AP2A1: variants seen among roughly 807,000 people sequenced by gnomAD.
The protein encoded by AP2A1 is AP-2 complex subunit alpha-1.
In AP2A1, 21 loss-of-function variants were observed where a neutral mutation model predicts 107.3. The observed-to-expected ratio is 0.20, with a 90% confidence interval of 0.14 to 0.28. AP2A1 has a LOEUF of 0.28. Among genes scored for constraint, AP2A1 ranks in the 10% least tolerant of loss-of-function variants. AP2A1 has a pLI of 1.00. For missense variants in AP2A1, 873 were observed against 1,307.7 expected (o/e 0.67, Z 5.13); for synonymous variants, 602 against 564.8 (o/e 1.07, Z -0.93).
chr19:49,803,418 C>A, intron 18 of AP2A1, 42 bp downstream of exon 18: 1 of 1,559,722 alleles, frequency 6.4e-7, no homozygotes. Context: ...CTCTCCACGT[C>A]GGCCTTCCTC....
chr19:49,772,257 T>G (rs1241262971), intron 1 of AP2A1, among the ~76,000 whole-genome samples: 5 of 122,176 alleles, frequency 4.1e-5, no homozygotes, highest in African/African-American at 9.1e-5. Flanking sequence ...TTTTTTTTTT[T>G]TTTTTTTTTT....
chr19:49,771,323 A>AG (rs2084555056), intron 1 of AP2A1, among the ~76,000 whole-genome samples: 1 of 151,468 alleles, frequency 6.6e-6, no homozygotes, highest in Non-Finnish European at 1.5e-5. Context: ...AAAAAAAAAA[A>AG]AAAGAAAGGT....
At position 49,795,661 on chromosome 19, in the gene AP2A1, A is replaced by T. The variant is rs2073203986; in HGVS notation, c.737A>T (p.Asp246Val). The T allele has an allele frequency of 6.7e-7, 1 of 1,490,608 alleles. No homozygotes were observed. Among genetic ancestry groups the T allele is most frequent in the Non-Finnish European group, 9.0e-7 (1 of 1,112,670 alleles). The allele number at this position is 1,490,608 out of a possible 1,614,324, so 92.3% of individuals were successfully genotyped here. ...TCCTCTGCCTCCACCGACCTCCAGG[A>T]CTACACCTACTACTTCGTCCCAGCA... ...IVSSASTDLQDYTYYFVPAPW... is the reference protein window; with the variant it reads ...IVSSASTDLQVYTYYFVPAPW... The change falls in exon 7 of 23, where the codon GAC becomes GTC. Residue 246 changes from aspartate (D) to valine (V), a missense_variant. Physicochemically the swap from Asp to Val is radical, Grantham distance 152 (BLOSUM62 -3). Around this residue, in one of 4 missense-constraint regions of AP2A1, gnomAD observed 157 missense variants for 212.6 expected, o/e 0.74. Transcript: ENST00000354293.
At position 49,800,007 on chromosome 19, in the gene AP2A1, G is replaced by T; in HGVS notation, c.1312G>T (p.Asp438Tyr). 2 of 1,614,018 alleles carry T rather than the reference G, an allele frequency of 1.2e-6. No individual in the cohort carries two copies. The highest frequency in any genetic ancestry group is 1.7e-6 in the Non-Finnish European group (2 of 1,179,864). ...CATCCTGGCCGAGAAGTACGCCGTG[G>T]ACTACAGCTGGTACGTGGACACCAT... ...VAILAEKYAVDYSWYVDTILN... is the reference protein window; with the variant it reads ...VAILAEKYAVYYSWYVDTILN... The change falls in exon 11 of 23, where the codon GAC becomes TAC. Residue 438 changes from aspartate to tyrosine, a missense_variant. Transcript: ENST00000354293.
Position 49,781,748 on chromosome 19 carries a change from C to T in AP2A1, c.68-9C>T, listed in dbSNP as rs554555100. 6.3e-7 allele frequency: 1 copy of T among 1,584,290 alleles called. No homozygotes were observed. The highest frequency in any genetic ancestry group is 2.3e-5 in the East Asian group (1 of 43,236). ...CCCCTCACTGCCTACCCTCCTCCTCCTCTCCCAGGTAAGAGCAAAGAGGCG... is the reference window on the plus strand; with the variant it reads ...CCCCTCACTGCCTACCCTCCTCCTCTTCTCCCAGGTAAGAGCAAAGAGGCG... On this transcript the variant is annotated splice_polypyrimidine_tract_variant and intron_variant, in intron 1 of 22. Transcript: ENST00000354293.
intron 1 of AP2A1, among the ~76,000 whole-genome samples, chr19:49,772,645 G>A (rs2084575608): frequency 6.6e-6 from 1 of 151,736 alleles, no homozygotes; most frequent in East Asian, 1.9e-4. Flanking sequence ...ACAGGCGCCC[G>A]CCAACACGCC....
intron 6 of AP2A1, 48 bp from the exon 7 acceptor site, chr19:49,795,582 G>GCCC: frequency 2.9e-6 from 2 of 692,054 alleles, no homozygotes; most frequent in African/African-American, 1.8e-5. Context: ...GGACCCACGT[G>GCCC]CCCCTCCCAC....
intron 6 of AP2A1, among the ~76,000 whole-genome samples, chr19:49,795,009 C>G (rs948884631): frequency 2.0e-5 from 3 of 152,256 alleles, no homozygotes; most frequent in African/African-American, 7.2e-5. Flanking sequence ...CCCCGAACCT[C>G]TTCCTATCTG....
intron 1 of AP2A1, among the ~76,000 whole-genome samples, chr19:49,767,536 G>A (rs2084515409): frequency 1.3e-5 from 2 of 152,204 alleles, no homozygotes; most frequent in South Asian, 4.1e-4. Flanking sequence ...GGGTTAGAGG[G>A]ATTCCCAATG....
Position 49,781,759 on chromosome 19 carries a change from A to G in AP2A1, c.70A>G (p.Lys24Glu), listed in dbSNP as rs1329307236. 1 of 1,592,778 alleles carries G rather than the reference A, an allele frequency of 6.3e-7. No individual in the cohort carries two copies. The highest frequency in any genetic ancestry group is 1.8e-5 in the Admixed American group (1 of 56,464). ...CTACCCTCCTCCTCCTCTCCCAGGT[A>G]AGAGCAAAGAGGCGGAAATTAAGAG... ...AVFISDIRNC[K>E]SKEAEIKRIN... Residue 24 changes from lysine to glutamate, a missense_variant and splice_region_variant, in exon 2 of 23, where the codon AAG (lysine) becomes GAG (glutamate). Around this residue, in one of 4 missense-constraint regions of AP2A1, gnomAD observed 87 missense variants for 178.2 expected, o/e 0.49. Transcript: ENST00000354293.
intron 1 of AP2A1, 68 bp downstream of exon 1, chr19:49,767,268 G>A (rs1056938926): frequency 1.5e-5 from 24 of 1,563,358 alleles, no homozygotes; most frequent in Non-Finnish European, 2.0e-5. Flanking sequence ...GGGGTTTGGG[G>A]ATCACAGAGG....
chr19:49,803,224 G>A, intron 17 of AP2A1, 35 bp downstream of exon 17: 9 of 1,613,722 alleles, frequency 5.6e-6, no homozygotes, highest in Non-Finnish European at 7.6e-6. Flanking sequence ...TGGGTCGGAG[G>A]GAGACCTTGG....
rs1202477364 is a variant in AP2A1, at chr19:49,805,342, G to C, written c.2345-111G>C. On this transcript the variant is annotated intron_variant, in intron 18 of 22. Transcript: ENST00000354293. ...GGATTGAGTCCAGGATTGCACCATG[G>C]GGTCCCTCAAAGACCTGCAGGCGGG... 6 of 1,247,906 alleles carry C rather than the reference G, an allele frequency of 4.8e-6. No individual in the cohort carries two copies. In the African/African-American group the frequency reaches 9.1e-5, roughly 19 times the overall value. 77.3% of individuals were successfully genotyped at this position (1,247,906 alleles called of 1,614,324 possible). A position where few individuals can be genotyped will look rare whatever the true frequency, so the allele number is the denominator to read the frequency against.
Position 49,788,864 on chromosome 19 carries a change from G to A in AP2A1, c.474-3071G>A, listed in dbSNP as rs953727601. On this transcript the variant is annotated intron_variant, in intron 4 of 22. Transcript: ENST00000354293. The surrounding 1 kb of genome is among the most constrained non-coding windows in gnomAD (Gnocchi z 4.5). The stretch of plus-strand genomic sequence containing the variant: ...ACTTGATGACCACTGGGCAGTGAAC[G>A]TTTCTGTAGGGTGAGCGTCTGGGGG... Among the ~76,000 whole-genome samples, 43 of 152,192 alleles carry A rather than the reference G, an allele frequency of 2.8e-4. No homozygotes were observed. The highest frequency in any genetic ancestry group is 1.2e-4 in the African/African-American group (5 of 41,458).
intron 6 of AP2A1, among the ~76,000 whole-genome samples, chr19:49,794,380 T>C (rs905279982): frequency 6.6e-6 from 1 of 151,826 alleles, no homozygotes; most frequent in African/African-American, 2.4e-5. Flanking sequence ...TTTTTGTATT[T>C]TTTGTAGAGA....
In AP2A1 at chr19:49,801,531, C is replaced by T. The variant is rs201356364; in HGVS notation, c.1695C>T (p.Ala565=). 315 of 1,613,598 alleles carry T rather than the reference C, an allele frequency of 2.0e-4. No individual in the cohort carries two copies. The African/African-American group carries it at 2.9e-3, about 15-fold the overall frequency. ...TKATIQGVLR[A]GSQLRNADVE... ...CCACCATCCAGGGCGTCCTGCGGGC[C>T]GGCTCCCAGCTGCGCAATGCTGACG... is the stretch of plus-strand genomic sequence containing the variant. Residue 565 remains alanine, a synonymous_variant, in exon 13 of 23, where the codon GCC becomes GCT. Transcript: ENST00000354293.
Position 49,805,730 on chromosome 19 carries a change from C to G in AP2A1, c.2538C>G (p.Thr846=). 1 of 1,574,206 alleles carries G rather than the reference C, an allele frequency of 6.4e-7. No homozygotes were observed. The highest frequency in any genetic ancestry group is 8.6e-7 in the Non-Finnish European group (1 of 1,161,358). The change falls in exon 20 of 23, where the codon ACC becomes ACG. Residue 846 remains threonine (T), a synonymous_variant. Coordinates refer to ENST00000354293, the MANE Select transcript of AP2A1 (RefSeq NM_130787.3). ...PVTINKFFQP[T]EMAAQDFFQR... is the part of the protein sequence containing the mutation. ...CCATCAACAAGTTCTTCCAGCCCAC[C>G]GAGATGGCGGCCCAGGATTTCTTCC...
chr19:49,792,685 A>G (rs1384045872), intron 5 of AP2A1, among the ~76,000 whole-genome samples: 1 of 152,138 alleles, frequency 6.6e-6, no homozygotes, highest in African/African-American at 2.4e-5. Context: ...ACCAGCGCAG[A>G]AACCTTGACT....
chr19:49,796,315 G>A (rs1195915608), intron 7 of AP2A1: 3 of 152,532 alleles, frequency 2.0e-5, no homozygotes, highest in Non-Finnish European at 2.9e-5. Context: ...TTGGAGGTGA[G>A]ACATCACCAT....
Sources: allele counts gnomAD v4.1 joint callset (sites outside exome capture counted in the v4.1 genomes callset), GRCh38; gene constraint gnomAD v4.1.1; regional missense constraint gnomAD v4.1.1; non-coding constraint Gnocchi (gnomAD v3.1); transcripts MANE v1.5; gene names NCBI Gene and HGNC (gene_info 2026-07-23, HGNC 2026-07-21).